ADCY2: variants seen among roughly 807,000 people sequenced by gnomAD.
ADCY2 encodes adenylate cyclase type 2.
A neutral mutation model predicts 125.2 loss-of-function variants in ADCY2; 31 were observed. That is an observed-to-expected ratio of 0.25 (90% CI 0.19 to 0.33). ADCY2 has a LOEUF of 0.33. ADCY2 is among the 10% of genes least tolerant of loss of function. The pLI is 1.00. For missense variants in ADCY2, 904 were observed against 1,418.2 expected, an observed-to-expected ratio of 0.64 and a Z score of 5.82; for synonymous variants, 512 against 548.4, an observed-to-expected ratio of 0.93 and a Z score of 0.93.
intron 3 of ADCY2, among the ~76,000 whole-genome samples, chr5:7,544,090 C>T (rs924203259): frequency 9.2e-5 from 14 of 151,778 alleles, no homozygotes; most frequent in African/African-American, 3.4e-4. Context: ...ACTTAACCCC[C>T]ATCCTTTCCC....
At chr5:7,646,658 T>C (rs533641198) in intron 4 of ADCY2, among the ~76,000 whole-genome samples, 18 of 152,222 alleles carry the variant, frequency 1.2e-4, no homozygotes, top group Non-Finnish European at 7.3e-5. Context: ...AAATAGTGCT[T>C]ATTACATTTA....
chr5:7,411,958 C>G (rs1739733954), intron 1 of ADCY2, among the ~76,000 whole-genome samples: 1 of 151,022 alleles, frequency 6.6e-6, no homozygotes, highest in African/African-American at 2.4e-5. Flanking sequence ...GCCTGTAGTC[C>G]CAGCTACTTG....
intron 4 of ADCY2, among the ~76,000 whole-genome samples, chr5:7,628,235 C>T (rs547457358): frequency 4.6e-5 from 7 of 152,086 alleles, no homozygotes; most frequent in South Asian, 2.1e-4. Flanking sequence ...AAGTTGGGCC[C>T]GACAGACATG....
At chr5:7,674,921 C>T (rs1272259769) in intron 4 of ADCY2, among the ~76,000 whole-genome samples, 4 of 151,978 alleles carry the variant, frequency 2.6e-5, no homozygotes, top group East Asian at 1.9e-4. Context: ...TTTGGGAGGC[C>T]GAGGCGGGCG....
chr5:7,793,729 G>A (rs1184460284), intron 20 of ADCY2: 5 of 152,236 alleles, frequency 3.3e-5, no homozygotes, highest in African/African-American at 9.7e-5. Flanking sequence ...CCCCTTGGGG[G>A]TGTCATCACA....
At chr5:7,557,228 A>G (rs1735555151) in intron 3 of ADCY2, among the ~76,000 whole-genome samples, 1 of 103,288 alleles carries the variant, frequency 9.7e-6, no homozygotes, top group African/African-American at 3.0e-5. Flanking sequence ...CTAAATGACA[A>G]GTAAACAGGG....
intron 14 of ADCY2, among the ~76,000 whole-genome samples, chr5:7,729,341 TC>T (rs1742025925): frequency 6.6e-6 from 1 of 152,194 alleles, no homozygotes; most frequent in African/African-American, 2.4e-5. Flanking sequence ...GATACAATTT[TC>T]CACCCTCTAG....
At chr5:7,682,503 C>G (rs1740373482) in intron 4 of ADCY2, among the ~76,000 whole-genome samples, 3 of 152,160 alleles carry the variant, frequency 2.0e-5, no homozygotes, top group Admixed American at 1.3e-4. Flanking sequence ...CTAAGCTTGG[C>G]AGCACAGCCT....
chr5:7,470,484 TATA>T (rs1230824038), intron 2 of ADCY2, among the ~76,000 whole-genome samples: 2 of 149,572 alleles, frequency 1.3e-5, no homozygotes, highest in Non-Finnish European at 3.0e-5. Context: ...TGTATTAGAC[TATA>T]ATATTAGACT....
chr5:7,545,853 G>A (rs1735132136), intron 3 of ADCY2, among the ~76,000 whole-genome samples: 1 of 152,176 alleles, frequency 6.6e-6, no homozygotes, highest in Non-Finnish European at 1.5e-5. Context: ...GGTAACTGGA[G>A]GCTGGGAGAT....
chr5:7,449,547 G>A (rs1291864063), intron 2 of ADCY2, among the ~76,000 whole-genome samples: 1 of 152,034 alleles, frequency 6.6e-6, no homozygotes, highest in Non-Finnish European at 1.5e-5. Context: ...AATATGAATA[G>A]CCAAAAAATA....
intron 3 of ADCY2, among the ~76,000 whole-genome samples, chr5:7,588,729 CATT>C (rs1374341850): frequency 1.3e-5 from 2 of 152,162 alleles, no homozygotes; most frequent in African/African-American, 2.4e-5. Context: ...TGTCACGAAA[CATT>C]ATGTTGCTTG....
rs941678550 is a variant in ADCY2 at position 7,645,676 on chromosome 5, GA to G, written c.720+19368del. On this transcript the variant is annotated intron_variant, in intron 4 of 24. Coordinates refer to ENST00000338316, the MANE Select transcript of ADCY2 (RefSeq NM_020546.3). ...CTATTTACAGACATTTGTTTATGTT[GA>G]AAAAAAATGAGGAAATGATAAGATG... 3.4e-3 allele frequency among the ~76,000 whole-genome samples: 519 copies of G among 151,906 alleles called. 6 individuals are homozygous for G. Among genetic ancestry groups the G allele is most frequent in the Non-Finnish European group, 3.1e-3 (212 of 67,928 alleles).
intron 2 of ADCY2, among the ~76,000 whole-genome samples, chr5:7,444,113 T>C (rs866011324): frequency 9.8e-4 from 14 of 14,300 alleles, no homozygotes; most frequent in African/African-American, 3.6e-3. Context: ...TTTTATCTCT[T>C]TTTTTTTTTT....
At chr5:7,801,336 G>C (rs1157541866) in intron 20 of ADCY2, 1 of 152,264 alleles carries the variant, frequency 6.6e-6, no homozygotes, top group Non-Finnish European at 1.5e-5. Flanking sequence ...TCAGAGGTCA[G>C]CCATCTTGTT....
rs1289899321 is a variant in ADCY2, at chr5:7,507,216, C to T, written c.409-13522C>T. On this transcript the variant is annotated intron_variant, in intron 2 of 24. Coordinates refer to ENST00000338316, the MANE Select transcript of ADCY2 (RefSeq NM_020546.3). ...CAGCACTTTGGGAGGCCGAGGCGGG[C>T]GGATCACGAGGTCAGGAGATCGAGA... 6.1e-5 allele frequency among the ~76,000 whole-genome samples: 9 copies of T among 147,108 alleles called. 1 individual carries two copies. The highest frequency in any genetic ancestry group is 4.4e-4 in the South Asian group (2 of 4,584).
intron 2 of ADCY2, among the ~76,000 whole-genome samples, chr5:7,479,106 G>T (rs975432733): frequency 6.6e-6 from 1 of 152,084 alleles, no homozygotes; most frequent in African/African-American, 2.4e-5. Flanking sequence ...GGAATCTAAA[G>T]TAGATTATTA....
chr5:7,684,038 G>C (rs1291437693), intron 4 of ADCY2, among the ~76,000 whole-genome samples: 1 of 152,156 alleles, frequency 6.6e-6, no homozygotes, highest in Non-Finnish European at 1.5e-5. Context: ...TCTCTCCCCA[G>C]CGTGCCTCTA....
intron 24 of ADCY2, among the ~76,000 whole-genome samples, chr5:7,824,770 C>T (rs2126544869): frequency 6.6e-6 from 1 of 152,310 alleles, no homozygotes; most frequent in South Asian, 2.1e-4. Context: ...CATAGCCCGC[C>T]CTTGAGATCT....
Sources: allele counts gnomAD v4.1 joint callset (sites outside exome capture counted in the v4.1 genomes callset), GRCh38; gene constraint gnomAD v4.1.1; transcripts MANE v1.5; gene names NCBI Gene and HGNC (gene_info 2026-07-23, HGNC 2026-07-21).